Variants in RHAG observed in about 807,000 individuals in gnomAD.
RHAG encodes the protein ammonium transporter Rh type A.
A neutral mutation model predicts 42.4 loss-of-function variants in RHAG; 25 were observed. That is an observed-to-expected ratio of 0.59 (90% confidence interval 0.43 to 0.82). RHAG has a LOEUF of 0.82. Ranked by LOEUF, RHAG falls within the 40% of genes least tolerant of loss-of-function variation. RHAG has a pLI of 0.00. For missense variants in RHAG, 483 were observed against 504.6 expected, an observed-to-expected ratio of 0.96 and a Z score of 0.41; for synonymous variants, 182 against 177.7, an observed-to-expected ratio of 1.02 and a Z score of -0.19.
At chr6:49,614,911 T>C in intron 4 of RHAG, 58 bp from the exon 5 acceptor site, 4 of 1,463,318 alleles carry the variant, frequency 2.7e-6, no homozygotes, top group Non-Finnish European at 3.8e-6. Flanking sequence ...GTCCAGAGGA[T>C]GCAGTTTGCT....
Position 49,634,956 on chromosome 6 carries a change from C to CTGTGTGTG in RHAG, c.157+1692_157+1699dup, listed in dbSNP as rs72452277. Among the ~76,000 whole-genome samples the CTGTGTGTG allele has an allele frequency of 5.3e-3, 686 of 129,712 alleles. 10 individuals are homozygous for CTGTGTGTG. The highest frequency in any genetic ancestry group is 0.012 in the African/African-American group (398 of 33,064). The allele number at this position is 129,712 out of a possible 152,430, so 85.1% of individuals were successfully genotyped here. A position where few individuals can be genotyped will look rare whatever the true frequency, so the allele number is the denominator to read the frequency against. ...CATTGTTATTATTGTGTGTGTACACCTGTGTGTGTGTGTGTGTGTGTGTTT... is the reference window on the plus strand; with the variant it reads ...CATTGTTATTATTGTGTGTGTACACCTGTGTGTGTGTGTGTGTGTGTGTGTGTGTGTTT... On this transcript the variant is annotated intron_variant, in intron 1 of 9. Coordinates refer to ENST00000371175, the MANE Select transcript of RHAG (RefSeq NM_000324.3).
At chr6:49,625,609 A>G (rs1174401479) in intron 1 of RHAG, among the ~76,000 whole-genome samples, 4 of 152,228 alleles carry the variant, frequency 2.6e-5, no homozygotes, top group Non-Finnish European at 4.4e-5. Flanking sequence ...CATCATCACC[A>G]TCACCACCAC....
At chr6:49,636,545 C>A in intron 1 of RHAG, 111 bp downstream of exon 1, 6 of 1,121,130 alleles carry the variant, frequency 5.4e-6, no homozygotes, top group Non-Finnish European at 6.8e-6. Flanking sequence ...GCACTCATAA[C>A]CATCATATAA....
In RHAG at chr6:49,615,646, G is replaced by A. The variant is rs372834667; in HGVS notation, c.618C>T (p.Tyr206=). Residue 206 remains tyrosine (Y), a synonymous_variant, in exon 4 of 10, where the codon TAC becomes TAT. Transcript: ENST00000371175. ...CACCAATCATTGCAAACAAGTCTGA[G>A]TAGTATGCGGACTCTTCATTTTCAT... ...KGHENEESAY[Y]SDLFAMIGTL... The A allele has an allele frequency of 1.3e-5, 21 of 1,613,992 alleles. No individual in the cohort carries two copies. The African/African-American group carries it at 2.4e-4, about 18-fold the overall frequency.
chr6:49,622,055 A>G (rs930711472), intron 1 of RHAG, among the ~76,000 whole-genome samples: 4 of 151,628 alleles, frequency 2.6e-5, no homozygotes, highest in Non-Finnish European at 4.4e-5. Flanking sequence ...GCAGTTACCA[A>G]ATGATATGGT....
At chr6:49,636,258 C>T (rs1455414381) in intron 1 of RHAG, among the ~76,000 whole-genome samples, 6 of 152,018 alleles carry the variant, frequency 3.9e-5, no homozygotes, top group Non-Finnish European at 8.8e-5. Flanking sequence ...CTAGGGTTCC[C>T]TTCTTATAAC....
At chr6:49,613,774 G>A (rs1762606033) in intron 5 of RHAG, among the ~76,000 whole-genome samples, 1 of 152,152 alleles carries the variant, frequency 6.6e-6, no homozygotes, top group South Asian at 2.1e-4. Context: ...GCTACAGAAT[G>A]TTTCCATATG....
chr6:49,612,347 G>T, intron 6 of RHAG, 50 bp downstream of exon 6: 1 of 1,602,186 alleles, frequency 6.2e-7, no homozygotes, highest in Non-Finnish European at 8.6e-7. Flanking sequence ...GGACATGTGA[G>T]AAAAAAGGTG....
At chr6:49,619,507 G>T (rs1175103470) in intron 1 of RHAG, 145 bp from the exon 2 acceptor site, 3 of 839,730 alleles carry the variant, frequency 3.6e-6, no homozygotes, top group African/African-American at 1.7e-5. Context: ...CAAAAGTCTT[G>T]TTCCAATGCC....
At chr6:49,631,103 C>A (rs1762928460) in intron 1 of RHAG, among the ~76,000 whole-genome samples, 1 of 152,140 alleles carries the variant, frequency 6.6e-6, no homozygotes, top group South Asian at 2.1e-4. Context: ...CCCACTAGAT[C>A]ACATGAGGAA....
chr6:49,615,946 A>G (rs1204372731), intron 3 of RHAG, among the ~76,000 whole-genome samples, 175 bp from the exon 4 acceptor site: 3 of 152,232 alleles, frequency 2.0e-5, no homozygotes, highest in East Asian at 1.9e-4. Flanking sequence ...GAAATAGTAC[A>G]GAATTTGGAG....
chr6:49,613,832 G>T (rs907149151), intron 5 of RHAG, among the ~76,000 whole-genome samples: 26 of 152,130 alleles, frequency 1.7e-4, no homozygotes, highest in African/African-American at 6.3e-4. Context: ...CATAACCATG[G>T]AATCGAAATT....
chr6:49,623,987 C>G (rs1485149495), intron 1 of RHAG, among the ~76,000 whole-genome samples: 1 of 152,084 alleles, frequency 6.6e-6, no homozygotes, highest in East Asian at 1.9e-4. Flanking sequence ...GCTCCCTTCT[C>G]CCATTCCTTG....
chr6:49,611,142 G>A lies in RHAG; in HGVS notation c.949C>T (p.Leu317Phe), dbSNP rs1762563306. 6.2e-7 allele frequency: 1 copy of A among 1,612,676 alleles called. No homozygotes were observed. Among genetic ancestry groups the A allele is most frequent in the African/African-American group, 1.3e-5 (1 of 74,888 alleles). Residue 317 changes from leucine (L) to phenylalanine (F), a missense_variant, in exon 7 of 10, where the codon CTT becomes TTT. Leu to Phe is a conservative substitution (Grantham distance 22). Coordinates refer to ENST00000371175, the MANE Select transcript of RHAG (RefSeq NM_000324.3). ...TGGATCCTCAGTTTAGTAGTAAAAA[G>A]TGGCTAAAATTATAAAAGGAAGAAG... ...SVLGYKFLTP[L>F]FTTKLRIHDT...
intron 7 of RHAG, among the ~76,000 whole-genome samples, chr6:49,610,213 G>A (rs999289862): frequency 6.6e-6 from 1 of 152,078 alleles, no homozygotes; most frequent in Non-Finnish European, 1.5e-5. Context: ...TTCTGCACAT[G>A]TATCCAGAAC....
chr6:49,609,342 C>T (rs772666000), intron 7 of RHAG, among the ~76,000 whole-genome samples: 1 of 152,104 alleles, frequency 6.6e-6, no homozygotes, highest in Non-Finnish European at 1.5e-5. Context: ...AATGTCTGAC[C>T]TCCCAGTGAG....
intron 1 of RHAG, among the ~76,000 whole-genome samples, chr6:49,627,345 A>G (rs774094464): frequency 6.6e-6 from 1 of 152,166 alleles, no homozygotes; most frequent in Non-Finnish European, 1.5e-5. Context: ...GGGAGGGGCA[A>G]AACTATGCCA....
intron 1 of RHAG, among the ~76,000 whole-genome samples, chr6:49,620,031 G>A (rs1762727268): frequency 6.6e-6 from 1 of 152,158 alleles, no homozygotes; most frequent in Non-Finnish European, 1.5e-5. Context: ...CATTATTTGG[G>A]TCAAATGGGA....
chr6:49,626,745 C>T lies in RHAG; in HGVS notation c.158-7383G>A, dbSNP rs1762850840. 3.3e-5 allele frequency among the ~76,000 whole-genome samples: 5 copies of T among 152,310 alleles called. No homozygotes were observed. In the South Asian group the frequency reaches 1.0e-3, roughly 32 times the overall value. ...AGAGGTTCTCCATGACAGCTCTTCC[C>T]CTGCAGCAAGTTTCTATCTGGATAT... On this transcript the variant is annotated intron_variant, in intron 1 of 9. Coordinates refer to ENST00000371175, the MANE Select transcript of RHAG (RefSeq NM_000324.3).
Sources: gnomAD v4.1 joint callset for allele counts (sites outside exome capture counted in the v4.1 genomes callset) on GRCh38, gnomAD v4.1.1 for gene constraint, MANE v1.5 for transcripts, NCBI Gene and HGNC (gene_info 2026-07-23, HGNC 2026-07-21) for gene names.